Variants in LY75 observed in about 807,000 individuals in gnomAD.
The protein encoded by LY75 is lymphocyte antigen 75, also known as C-type lectin domain family 13 member B.
LY75 carries 185 observed loss-of-function variants against 231.7 expected under a neutral mutation model. The ratio of observed to expected loss-of-function variants is 0.80; its 90% CI spans 0.71 to 0.90. The LOEUF (loss-of-function observed/expected upper bound fraction) is 0.90. Ranked by LOEUF, LY75 falls within the 40% of genes least tolerant of loss-of-function variation. LY75 has a pLI of 0.00. For missense variants in LY75, 1,947 were observed against 2,050.2 expected, an observed-to-expected ratio of 0.95 and a Z score of 0.97; for synonymous variants, 668 against 689.0, an observed-to-expected ratio of 0.97 and a Z score of 0.48.
At position 159,878,673 on chromosome 2, in the gene LY75, C is replaced by T; in HGVS notation, c.1564G>A (p.Val522Ile). The T allele has an allele frequency of 1.9e-6, 3 of 1,613,970 alleles. No homozygotes were observed. Among genetic ancestry groups the T allele is most frequent in the African/African-American group, 1.3e-5 (1 of 75,030 alleles). The stretch of plus-strand genomic sequence containing the variant: ...AGATTGCAGTTTGTTCCAAAAGGGA[C>T]CTCATCCTCATAAATCTTGTAACAG... ...ETCYKIYEDE[V>I]PFGTNCNLTI... The change falls in exon 10 of 35, where the codon GTC becomes ATC. Residue 522 changes from valine to isoleucine, a missense_variant. Coordinates refer to ENST00000263636, the MANE Select transcript of LY75 (RefSeq NM_002349.4).
chr2:159,862,217 G>C (rs1036162405), intron 14 of LY75, among the ~76,000 whole-genome samples: 1 of 151,686 alleles, frequency 6.6e-6, no homozygotes, highest in Non-Finnish European at 1.5e-5. Context: ...GTGTGAACCC[G>C]GGAGGCGGAG....
chr2:159,841,243 G>A (rs1684019174), intron 24 of LY75, among the ~76,000 whole-genome samples: 1 of 151,996 alleles, frequency 6.6e-6, no homozygotes, highest in Admixed American at 6.6e-5. Context: ...ATGTCATGTC[G>A]GTGCTAAATA....
At chr2:159,887,890 A>T (rs1367101603) in intron 4 of LY75, among the ~76,000 whole-genome samples, 3 of 152,192 alleles carry the variant, frequency 2.0e-5, no homozygotes, top group Admixed American at 6.6e-5. Context: ...ACACTTTGGC[A>T]CTTTTCTCCT....
chr2:159,885,841 T>C (rs1685567495), intron 5 of LY75, among the ~76,000 whole-genome samples: 1 of 152,196 alleles, frequency 6.6e-6, no homozygotes, highest in Non-Finnish European at 1.5e-5. Flanking sequence ...TAACTTTAGG[T>C]TCTACATTTG....
chr2:159,895,356 T>C (rs1685882173), intron 2 of LY75, among the ~76,000 whole-genome samples: 1 of 152,174 alleles, frequency 6.6e-6, no homozygotes, highest in Admixed American at 6.5e-5. Context: ...GCTTATTACC[T>C]ATGTTTCAGT....
In LY75 at chr2:159,816,993, A is replaced by C. The variant is rs779961226; in HGVS notation, c.4193T>G (p.Phe1398Cys). The C allele has an allele frequency of 1.2e-6, 2 of 1,614,096 alleles. No homozygotes were observed. Among genetic ancestry groups the C allele is most frequent in the Admixed American group, 3.3e-5 (2 of 60,014 alleles). Reference sequence around the variant, plus strand: ...GTAAATACCATCTTCATATGGCATAAACTGTGGCAGTGTAGTATTATATTC... The same window carrying C: ...GTAAATACCATCTTCATATGGCATACACTGTGGCAGTGTAGTATTATATTC... ...KEEYNTTLPQ[F>C]MPYEDGIYSV... The change falls in exon 30 of 35, where the codon TTT becomes TGT. Residue 1398 changes from phenylalanine to cysteine, a missense_variant. By Grantham distance (205) the Phe-to-Cys change is radical. Coordinates refer to ENST00000263636, the MANE Select transcript of LY75 (RefSeq NM_002349.4).
chr2:159,826,200 G>C (rs973482354), intron 28 of LY75, among the ~76,000 whole-genome samples: 2 of 152,160 alleles, frequency 1.3e-5, no homozygotes, highest in African/African-American at 4.8e-5. Context: ...TGTATATTTA[G>C]AAAGCCCCAT....
intron 23 of LY75, among the ~76,000 whole-genome samples, chr2:159,848,761 A>G (rs1309883334): frequency 6.6e-6 from 1 of 152,194 alleles, no homozygotes; most frequent in Non-Finnish European, 1.5e-5. Context: ...CTCATTTCGT[A>G]TATCATGAAA....
intron 3 of LY75, among the ~76,000 whole-genome samples, chr2:159,890,937 AT>A (rs1207656928): frequency 1.3e-4 from 20 of 152,150 alleles, no homozygotes; most frequent in African/African-American, 4.3e-4. Context: ...TTATATATGT[AT>A]TTGTGTGTAT....
Position 159,872,556 on chromosome 2 carries a change from C to T in LY75, c.2012G>A (p.Trp671Ter), listed in dbSNP as rs779882968. ...TTGGCAGAATCGTTCAGCTTCTTCCCAGTTCCTCTTTCTTACAATTCTTTC... is the reference window on the plus strand; with the variant it reads ...TTGGCAGAATCGTTCAGCTTCTTCCTAGTTCCTCTTTCTTACAATTCTTTC... Reference protein sequence around the residue: ...HAERIVRKRNWEEAERFCQAL... With the variant: ...HAERIVRKRN Residue 671 changes from tryptophan (W) to a stop codon, truncating the protein, a stop_gained, in exon 13 of 35, where the codon TGG becomes TAG. Coordinates refer to ENST00000263636, the MANE Select transcript of LY75 (RefSeq NM_002349.4). LOFTEE classifies it high-confidence loss of function. 2 of 1,613,854 alleles carry T rather than the reference C, an allele frequency of 1.2e-6. No homozygotes were observed. The highest frequency in any genetic ancestry group is 1.1e-5 in the South Asian group (1 of 91,068).
chr2:159,852,012 A>T (rs1684414398), intron 21 of LY75, among the ~76,000 whole-genome samples, 189 bp downstream of exon 21: 1 of 152,240 alleles, frequency 6.6e-6, no homozygotes, highest in South Asian at 2.1e-4. Context: ...ACCTGTAGGC[A>T]TGACCAACTT....
At chr2:159,884,214 T>C (rs1437146842) in intron 6 of LY75, among the ~76,000 whole-genome samples, 1 of 152,236 alleles carries the variant, frequency 6.6e-6, no homozygotes, top group African/African-American at 2.4e-5. Context: ...CCCAGCCACG[T>C]GAGATTGTAA....
intron 12 of LY75, among the ~76,000 whole-genome samples, chr2:159,874,480 TAA>T (rs1359865321): frequency 9.2e-6 from 1 of 108,300 alleles, no homozygotes; most frequent in Non-Finnish European, 1.8e-5. Context: ...TAAATCTATA[TAA>T]ATATGTACAT....
intron 13 of LY75, among the ~76,000 whole-genome samples, chr2:159,868,237 T>C (rs1684910233): frequency 6.6e-6 from 1 of 152,178 alleles, no homozygotes; most frequent in Admixed American, 6.6e-5. Flanking sequence ...AGGATCAGAG[T>C]ACAAATAAAA....
chr2:159,886,786 T>C (rs1469684476), intron 4 of LY75, among the ~76,000 whole-genome samples: 2 of 152,164 alleles, frequency 1.3e-5, no homozygotes, highest in East Asian at 3.8e-4. Flanking sequence ...TCATCTAAGG[T>C]AAGGACAGAA....
At chr2:159,834,455 A>T (rs985038371) in intron 26 of LY75, among the ~76,000 whole-genome samples, 1 of 152,210 alleles carries the variant, frequency 6.6e-6, no homozygotes, top group African/African-American at 2.4e-5. Flanking sequence ...ATGAGGTGCT[A>T]TTAGGTTAAA....
chr2:159,841,950 A>G lies in LY75; in HGVS notation c.3280+295T>C, dbSNP rs564419698. 2.0e-5 allele frequency among the ~76,000 whole-genome samples: 3 copies of G among 152,232 alleles called. No individual in the cohort carries two copies. The South Asian group carries it at 6.2e-4, about 32-fold the overall frequency. On this transcript the variant is annotated intron_variant, in intron 24 of 34. Coordinates refer to ENST00000263636, the MANE Select transcript of LY75 (RefSeq NM_002349.4). ...ATCACATTCCATTTGATAAACTCTG[A>G]CTCACTAACCCAATATGGATTTAGC...
At chr2:159,828,180 T>C (rs1233161749) in intron 28 of LY75, among the ~76,000 whole-genome samples, 1 of 151,006 alleles carries the variant, frequency 6.6e-6, no homozygotes, top group Non-Finnish European at 1.5e-5. Context: ...TTGGAAATTA[T>C]TTATATCCAG....
At chr2:159,890,591 T>A (rs188147611) in intron 3 of LY75, among the ~76,000 whole-genome samples, 56 of 152,304 alleles carry the variant, frequency 3.7e-4, no homozygotes, top group Non-Finnish European at 4.1e-4. Context: ...CACTCTTTCT[T>A]ATTTTCCATT....
Sources: gnomAD v4.1 joint callset for allele counts (sites outside exome capture counted in the v4.1 genomes callset) on GRCh38, gnomAD v4.1.1 for gene constraint, MANE v1.5 for transcripts, NCBI Gene and HGNC (gene_info 2026-07-23, HGNC 2026-07-21) for gene names.